The following FUT8 variants were observed in gnomAD, a reference collection of about 807,000 sequenced individuals.
FUT8 encodes fucosyltransferase 8, also known as alpha-(1,6)-fucosyltransferase.
Under a neutral mutation model 71.3 loss-of-function variants are expected in FUT8, and 29 were observed. That is an observed-to-expected ratio of 0.41 (90% confidence interval 0.30 to 0.55). The LOEUF is 0.55. Ranked by LOEUF, FUT8 falls within the 20% of genes least tolerant of loss-of-function variation. The probability of loss-of-function intolerance (pLI) is 0.34; values close to 1 mark genes in which losing one functional copy is unlikely to be tolerated. For missense variants in FUT8, 544 were observed against 702.1 expected (o/e 0.77, Z 2.55); for synonymous variants, 254 against 239.3 (o/e 1.06, Z -0.57).
upstream of FUT8, chr14:65,412,133 G>A (rs549241472): frequency 2.6e-5 from 12 of 456,618 alleles, no homozygotes; most frequent in Admixed American, 1.9e-4. Flanking sequence ...CCCTCGTGGG[G>A]GGGGTCTTTC....
intron 6 of FUT8, among the ~76,000 whole-genome samples, chr14:65,631,573 T>C (rs566671655): frequency 3.9e-4 from 59 of 152,314 alleles, no homozygotes; most frequent in African/African-American, 1.2e-3. Context: ...TTACCTTCAG[T>C]TTCAGATATT....
chr14:65,735,706 A>T (rs1422052021), intron 10 of FUT8, among the ~76,000 whole-genome samples: 1 of 152,156 alleles, frequency 6.6e-6, no homozygotes, highest in Non-Finnish European at 1.5e-5. Context: ...CCTCCTTATC[A>T]TGTACCTTAT....
chr14:65,571,916 A>G (rs569029454), intron 3 of FUT8, among the ~76,000 whole-genome samples: 6 of 152,284 alleles, frequency 3.9e-5, no homozygotes, highest in African/African-American at 1.4e-4. Context: ...TCAATATATG[A>G]AAATCTAGGT....
Position 65,518,711 on chromosome 14 carries a change from G to C in FUT8, c.-227-42626G>C, listed in dbSNP as rs572776958. Among the ~76,000 whole-genome samples, 32 of 151,978 alleles carry C rather than the reference G, an allele frequency of 2.1e-4. 2 individuals are homozygous for C. The South Asian group carries it at 6.7e-3, about 32-fold the overall frequency. On this transcript the variant is annotated intron_variant, in intron 2 of 10. Coordinates refer to ENST00000673929, the MANE Select transcript of FUT8 (RefSeq NM_001371533.1). ...GGCTAATTTTTGTATTTTTTTTGTAGAGATGGTGTTTCGCCATGGGCCTGT... is the reference window on the plus strand; with the variant it reads ...GGCTAATTTTTGTATTTTTTTTGTACAGATGGTGTTTCGCCATGGGCCTGT...
chr14:65,497,879 G>A (rs1226545184), intron 2 of FUT8, among the ~76,000 whole-genome samples: 1 of 152,044 alleles, frequency 6.6e-6, no homozygotes. Context: ...GGAAAGGAGA[G>A]CAGATTGAGA....
chr14:65,659,947 G>A (rs1891880270), intron 6 of FUT8, among the ~76,000 whole-genome samples: 1 of 152,054 alleles, frequency 6.6e-6, no homozygotes, highest in South Asian at 2.1e-4. Flanking sequence ...TCTGAGACCT[G>A]GGAATTAGGG....
At chr14:65,730,155 CTT>C (rs1240828058) in intron 9 of FUT8, among the ~76,000 whole-genome samples, 1 of 152,156 alleles carries the variant, frequency 6.6e-6, no homozygotes, top group African/African-American at 2.4e-5. Context: ...CATTGTAAGA[CTT>C]TTCTGCTTCA....
At chr14:65,576,133 CAG>C (rs759514874) in intron 3 of FUT8, among the ~76,000 whole-genome samples, 3 of 152,152 alleles carry the variant, frequency 2.0e-5, no homozygotes, top group African/African-American at 7.2e-5. Flanking sequence ...TTAGCTTTAA[CAG>C]GGGTTGACAA....
chr14:65,637,058 A>C (rs1890595945), intron 6 of FUT8, among the ~76,000 whole-genome samples: 1 of 152,192 alleles, frequency 6.6e-6, no homozygotes, highest in Non-Finnish European at 1.5e-5. Flanking sequence ...TGAACATATA[A>C]TATTGGGTTG....
At chr14:65,486,599 G>A (rs929885384) in intron 2 of FUT8, among the ~76,000 whole-genome samples, 10 of 152,212 alleles carry the variant, frequency 6.6e-5, no homozygotes, top group African/African-American at 2.4e-4. Flanking sequence ...GAATGCATTT[G>A]TTTCTTATAG....
intron 9 of FUT8, among the ~76,000 whole-genome samples, chr14:65,731,139 A>G (rs1159324294): frequency 6.6e-6 from 1 of 152,252 alleles, no homozygotes; most frequent in African/African-American, 2.4e-5. Flanking sequence ...AGCACTAGGA[A>G]TACAAAGTCA....
chr14:65,425,172 T>C (rs888221226), intron 1 of FUT8, among the ~76,000 whole-genome samples: 7 of 151,518 alleles, frequency 4.6e-5, no homozygotes, highest in Non-Finnish European at 2.9e-5. Flanking sequence ...GGAGTTTCTT[T>C]TTTTTTTTTT....
chr14:65,398,814 C>T, the FUT8 span, among the ~76,000 whole-genome samples: 1 of 152,026 alleles, frequency 6.6e-6, no homozygotes, highest in Non-Finnish European at 1.5e-5. Flanking sequence ...CTTGTTTCAT[C>T]TGCATGTGAC....
intron 1 of FUT8, among the ~76,000 whole-genome samples, chr14:65,418,910 A>G (rs2065255343): frequency 6.6e-6 from 1 of 152,176 alleles, no homozygotes; most frequent in Non-Finnish European, 1.5e-5. Flanking sequence ...CTTCATTTGT[A>G]TAGCATTTAA....
chr14:65,710,514 A>T (rs1042272465), intron 7 of FUT8, among the ~76,000 whole-genome samples: 3 of 152,188 alleles, frequency 2.0e-5, no homozygotes, highest in African/African-American at 7.2e-5. Flanking sequence ...ATTTTCTTCT[A>T]TAAGTGTAAA....
intron 2 of FUT8, among the ~76,000 whole-genome samples, chr14:65,500,819 G>A (rs1000441398): frequency 7.2e-5 from 11 of 152,122 alleles, no homozygotes; most frequent in South Asian, 2.1e-4. Flanking sequence ...TTTCATTAGC[G>A]TTGAAAACTT....
At chr14:65,468,805 C>G (rs1317644573) in intron 2 of FUT8, among the ~76,000 whole-genome samples, 1 of 152,016 alleles carries the variant, frequency 6.6e-6, no homozygotes, top group Non-Finnish European at 1.5e-5. Flanking sequence ...CTTTACTCTT[C>G]CTTTCTTTCC....
intron 5 of FUT8, among the ~76,000 whole-genome samples, chr14:65,625,873 T>C (rs1173923762): frequency 2.6e-5 from 4 of 152,238 alleles, no homozygotes; most frequent in African/African-American, 9.6e-5. Context: ...CTTTCTGTGA[T>C]AGTAAATAAG....
chr14:65,504,801 G>T (rs149787295), intron 2 of FUT8, among the ~76,000 whole-genome samples: 1 of 152,040 alleles, frequency 6.6e-6, no homozygotes, highest in Non-Finnish European at 1.5e-5. Flanking sequence ...TGATCTGCCC[G>T]CCTTGGCCTC....
Sources: allele counts gnomAD v4.1 joint callset (sites outside exome capture counted in the v4.1 genomes callset), GRCh38; gene constraint gnomAD v4.1.1; transcripts MANE v1.5; gene names NCBI Gene and HGNC (gene_info 2026-07-23, HGNC 2026-07-21).